SPAG1: variants seen among roughly 807,000 people sequenced by gnomAD.
SPAG1 encodes sperm associated antigen 1, also known as sperm-associated antigen 1.
A neutral mutation model predicts 100.5 loss-of-function variants in SPAG1; 69 were observed. The ratio of observed to expected loss-of-function variants is 0.69; its 90% CI spans 0.57 to 0.84. SPAG1 has a LOEUF of 0.84. Ranked by LOEUF, SPAG1 falls within the 40% of genes least tolerant of loss-of-function variation. The probability of loss-of-function intolerance (pLI) is 0.00; values close to 1 mark genes in which losing one functional copy is unlikely to be tolerated. For synonymous variants in SPAG1, 336 were observed against 411.6 expected (o/e 0.82, Z 2.22); for missense variants, 955 against 1,133.1 (o/e 0.84, Z 2.26).
rs74345315 is a variant in SPAG1 at position 100,234,841 on chromosome 8, T to C, written c.2115+1304T>C. ...GCCATGCTGAGGAGGCTGGACTTAA[T>C]TCTGAAGGTGATGGAGCCTCCAGAG... On this transcript the variant is annotated intron_variant, in intron 16 of 18. Coordinates refer to ENST00000388798, the MANE Select transcript of SPAG1 (RefSeq NM_003114.5). Among the ~76,000 whole-genome samples, 520 of 152,246 alleles carry C rather than the reference T, an allele frequency of 3.4e-3. 2 individuals carry two copies. The highest frequency in any genetic ancestry group is 0.012 in the African/African-American group (485 of 41,546).
chr8:100,174,659 A>T (rs988766893), intron 3 of SPAG1, among the ~76,000 whole-genome samples: 1 of 152,218 alleles, frequency 6.6e-6, no homozygotes, highest in South Asian at 2.1e-4. Flanking sequence ...GTCTTGTGTA[A>T]TCGGAGCCCT....
At chr8:100,235,944 T>C (rs1818987670) in intron 16 of SPAG1, among the ~76,000 whole-genome samples, 1 of 152,154 alleles carries the variant, frequency 6.6e-6, no homozygotes, top group Admixed American at 6.5e-5. Context: ...TTTACTCACC[T>C]CTTTGAGCTT....
chr8:100,167,822 T>C (rs1177044221), intron 3 of SPAG1, among the ~76,000 whole-genome samples: 1 of 152,232 alleles, frequency 6.6e-6, no homozygotes, highest in Admixed American at 6.5e-5. Context: ...TTGTGGTCAG[T>C]GTAGACCCCA....
intron 3 of SPAG1, among the ~76,000 whole-genome samples, chr8:100,169,113 A>G (rs887400410): frequency 2.6e-5 from 4 of 151,862 alleles, no homozygotes; most frequent in African/African-American, 9.7e-5. Context: ...AGGACATCTA[A>G]TTTTTCTCCT....
At chr8:100,182,313 A>G (rs377589707) in intron 4 of SPAG1, among the ~76,000 whole-genome samples, 1 of 152,324 alleles carries the variant, frequency 6.6e-6, no homozygotes, top group African/African-American at 2.4e-5. Context: ...GGCCACTGTT[A>G]GTGCTTGGTT....
intron 16 of SPAG1, among the ~76,000 whole-genome samples, chr8:100,236,851 A>C (rs987626472): frequency 6.6e-6 from 1 of 152,212 alleles, no homozygotes; most frequent in Non-Finnish European, 1.5e-5. Context: ...TCCACCCAAA[A>C]GAGGATGCTG....
intron 7 of SPAG1, among the ~76,000 whole-genome samples, chr8:100,185,862 C>T (rs1280747289): frequency 6.6e-6 from 1 of 152,090 alleles, no homozygotes; most frequent in Non-Finnish European, 1.5e-5. Flanking sequence ...TACAGCCTCC[C>T]CTGTTCAGGC....
intron 12 of SPAG1, among the ~76,000 whole-genome samples, chr8:100,216,622 G>A (rs1165887719): frequency 6.6e-6 from 1 of 152,186 alleles, no homozygotes; most frequent in Non-Finnish European, 1.5e-5. Flanking sequence ...ACCTGGCCTT[G>A]CTGGTTGGTG....
chr8:100,201,444 G>A (rs529593559), intron 10 of SPAG1, among the ~76,000 whole-genome samples: 1 of 152,124 alleles, frequency 6.6e-6, no homozygotes, highest in East Asian at 1.9e-4. Context: ...GTTTTTCTAA[G>A]ATTTTTATGA....
intron 12 of SPAG1, among the ~76,000 whole-genome samples, chr8:100,218,659 G>T (rs987161998): frequency 1.3e-5 from 2 of 152,192 alleles, no homozygotes; most frequent in African/African-American, 4.8e-5. Flanking sequence ...AACTAGCACA[G>T]CACAAAGACT....
At position 100,213,908 on chromosome 8, in the gene SPAG1, G is replaced by T. The variant is rs1177640587; in HGVS notation, c.1525G>T (p.Asp509Tyr). 6.3e-7 allele frequency: 1 copy of T among 1,581,942 alleles called. No homozygotes were observed. Among genetic ancestry groups the T allele is most frequent in the Admixed American group, 1.7e-5 (1 of 59,540 alleles). ...AGGAAACTGCAGTGGCTGCATTCAAGATTGTAACAGGTAAACTGCACGTTT... is the reference window on the plus strand; with the variant it reads ...AGGAAACTGCAGTGGCTGCATTCAATATTGTAACAGGTAAACTGCACGTTT... ...KEGNCSGCIQ[D>Y]CNRALELHPF... Residue 509 changes from aspartate to tyrosine, a missense_variant, in exon 12 of 19, where the codon GAT becomes TAT. By Grantham distance (160) the Asp-to-Tyr change is radical. Transcript: ENST00000388798.
intron 10 of SPAG1, among the ~76,000 whole-genome samples, chr8:100,201,883 A>G (rs1817290891): frequency 6.6e-6 from 1 of 152,194 alleles, no homozygotes; most frequent in Non-Finnish European, 1.5e-5. Flanking sequence ...CCCTTGCAGT[A>G]TCCTTTGTAA....
chr8:100,235,715 C>G (rs1479408861), intron 16 of SPAG1, among the ~76,000 whole-genome samples: 1 of 152,088 alleles, frequency 6.6e-6, no homozygotes, highest in Non-Finnish European at 1.5e-5. Flanking sequence ...GATTGTAGAT[C>G]CACTCTGGCT....
At chr8:100,162,664 G>C (rs1488799140) in intron 2 of SPAG1, among the ~76,000 whole-genome samples, 1 of 152,154 alleles carries the variant, frequency 6.6e-6, no homozygotes, top group African/African-American at 2.4e-5. Context: ...TTTTCTAGGA[G>C]AAGGTAAAGT....
At position 100,213,257 on chromosome 8, in the gene SPAG1, G is replaced by A; in HGVS notation, c.1264G>A (p.Ala422Thr). The A allele has an allele frequency of 8.2e-7, 1 of 1,217,258 alleles. No individual in the cohort carries two copies. The highest frequency in any genetic ancestry group is 1.0e-6 in the Non-Finnish European group (1 of 981,530). 75.4% of individuals were successfully genotyped at this position (1,217,258 alleles called of 1,614,324 possible). A position where few individuals can be genotyped will look rare whatever the true frequency, so the allele number is the denominator to read the frequency against. ...AGADKRSPRRASAAAAAGGGA... is the reference protein window; with the variant it reads ...AGADKRSPRRTSAAAAAGGGA... ...CGCGGACAAGCGGAGCCCACGGCGG[G>A]CCTCTGCGGCGGCGGCGGCGGGCGG... The change falls in exon 11 of 19, where the codon GCC (alanine) becomes ACC (threonine). Residue 422 changes from alanine (A) to threonine (T), a missense_variant. By Grantham distance (58) the Ala-to-Thr change is moderately conservative. Coordinates refer to ENST00000388798, the MANE Select transcript of SPAG1 (RefSeq NM_003114.5).
intron 6 of SPAG1, among the ~76,000 whole-genome samples, 193 bp downstream of exon 6, chr8:100,184,255 G>C (rs1254868572): frequency 5.3e-5 from 8 of 151,852 alleles, no homozygotes. Flanking sequence ...ATGTAGTAAG[G>C]CTTTAAAATA....
intron 12 of SPAG1, among the ~76,000 whole-genome samples, chr8:100,220,041 C>T (rs950096568): frequency 1.3e-5 from 2 of 152,194 alleles, no homozygotes; most frequent in African/African-American, 4.8e-5. Flanking sequence ...AGGGAGCTCC[C>T]GGCTCAGTGG....
chr8:100,213,998 T>C, intron 12 of SPAG1, 80 bp downstream of exon 12: 2 of 777,504 alleles, frequency 2.6e-6, no homozygotes, highest in Non-Finnish European at 4.2e-6. Flanking sequence ...ATCCTAAATT[T>C]TCTGCCTAAG....
intron 3 of SPAG1, among the ~76,000 whole-genome samples, chr8:100,175,807 A>C (rs1339398175): frequency 6.6e-6 from 1 of 152,180 alleles, no homozygotes; most frequent in African/African-American, 2.4e-5. Context: ...GATGGAACCA[A>C]TACAGAAAAA....
Sources: gnomAD v4.1 joint callset for allele counts (sites outside exome capture counted in the v4.1 genomes callset) on GRCh38, gnomAD v4.1.1 for gene constraint, MANE v1.5 for transcripts, NCBI Gene and HGNC (gene_info 2026-07-23, HGNC 2026-07-21) for gene names.